GRIK4: variants seen among roughly 807,000 people sequenced by gnomAD.
GRIK4 encodes glutamate ionotropic receptor kainate type subunit 4.
Under a neutral mutation model 104.9 loss-of-function variants are expected in GRIK4, and 40 were observed. The ratio of observed to expected loss-of-function variants is 0.38; its 90% CI spans 0.30 to 0.50. The LOEUF (loss-of-function observed/expected upper bound fraction) is 0.50. Among genes scored for constraint, GRIK4 ranks in the 20% least tolerant of loss-of-function variants. GRIK4 has a pLI of 0.93. For missense variants in GRIK4, 1,047 were observed against 1,308.1 expected (o/e 0.80, Z 3.08); for synonymous variants, 485 against 524.9 (o/e 0.92, Z 1.04).
intron 1 of GRIK4, among the ~76,000 whole-genome samples, chr11:120,558,105 G>C (rs1948205377): frequency 6.7e-6 from 1 of 149,122 alleles, no homozygotes; most frequent in Admixed American, 6.7e-5. Flanking sequence ...TCTCTGTTTT[G>C]ACACTTACAA....
chr11:120,532,253 C>A (rs1295918757), intron 1 of GRIK4, among the ~76,000 whole-genome samples: 3 of 152,204 alleles, frequency 2.0e-5, no homozygotes, highest in Non-Finnish European at 4.4e-5. Context: ...ATCCATCCCC[C>A]AGCTCCATGC....
intron 3 of GRIK4, among the ~76,000 whole-genome samples, chr11:120,696,427 G>T (rs964213807): frequency 6.0e-5 from 9 of 150,764 alleles, no homozygotes; most frequent in Non-Finnish European, 1.2e-4. Flanking sequence ...CTTCCTAGGG[G>T]AGGTGAAGTC....
intron 1 of GRIK4, among the ~76,000 whole-genome samples, chr11:120,598,799 G>A (rs562537443): frequency 6.6e-6 from 1 of 152,340 alleles, no homozygotes; most frequent in East Asian, 1.9e-4. Flanking sequence ...GAGCTGGCTT[G>A]GACCCTGTCT....
At chr11:120,647,928 A>C (rs1406888237) in intron 1 of GRIK4, among the ~76,000 whole-genome samples, 1 of 152,172 alleles carries the variant, frequency 6.6e-6, no homozygotes, top group Admixed American at 6.5e-5. Context: ...GGTCCCAAGC[A>C]TGTGGGTATG....
At chr11:120,845,372 C>G (rs1168225683) in intron 8 of GRIK4, among the ~76,000 whole-genome samples, 2 of 152,134 alleles carry the variant, frequency 1.3e-5, no homozygotes, top group Non-Finnish European at 2.9e-5. Context: ...TTTGTGAAGA[C>G]GATGGGAAGT....
intron 3 of GRIK4, among the ~76,000 whole-genome samples, chr11:120,706,381 A>G (rs1950629096): frequency 6.6e-6 from 1 of 152,126 alleles, no homozygotes; most frequent in Admixed American, 6.5e-5. Context: ...CACCTCTTCC[A>G]TTCCGACTGC....
rs577947347 is a variant in GRIK4, at chr11:120,555,554, G to A, written c.-159+43667G>A. 1.6e-4 allele frequency among the ~76,000 whole-genome samples: 24 copies of A among 152,322 alleles called. No homozygotes were observed. The highest frequency in any genetic ancestry group is 3.9e-4 in the East Asian group (2 of 5,180). ...CTGCCACCAGATGCACACAGCGGTC[G>A]TCTTCTCCCTCACGGTCCGCCTGCC... On this transcript the variant is annotated intron_variant, in intron 1 of 20. Coordinates refer to ENST00000527524, the MANE Select transcript of GRIK4 (RefSeq NM_014619.5). This position sits in a 1 kb window ranked among gnomAD's most constrained non-coding sequence, Gnocchi z 5.3.
chr11:120,654,861 G>A (rs1439453175), intron 2 of GRIK4, among the ~76,000 whole-genome samples: 3 of 152,082 alleles, frequency 2.0e-5, no homozygotes, highest in African/African-American at 7.3e-5. Context: ...GTTCTTACCT[G>A]TGGCAGCCAG....
chr11:120,626,997 G>C (rs1565579686), intron 1 of GRIK4, among the ~76,000 whole-genome samples: 1 of 152,192 alleles, frequency 6.6e-6, no homozygotes, highest in Non-Finnish European at 1.5e-5. Flanking sequence ...GGCCCGAAGG[G>C]CTTCTCCACT....
intron 3 of GRIK4, among the ~76,000 whole-genome samples, chr11:120,721,967 T>C (rs888870809): frequency 6.6e-6 from 1 of 152,182 alleles, no homozygotes; most frequent in African/African-American, 2.4e-5. Context: ...TCACTTCTCA[T>C]GGTGTCTTTT....
chr11:120,801,568 G>A (rs948548267), intron 3 of GRIK4, among the ~76,000 whole-genome samples: 5 of 152,204 alleles, frequency 3.3e-5, no homozygotes, highest in African/African-American at 4.8e-5. Flanking sequence ...ATTGTAGCAT[G>A]TATCAGTACC....
intron 20 of GRIK4, among the ~76,000 whole-genome samples, chr11:120,983,439 T>A (rs1375222082): frequency 6.6e-6 from 1 of 152,200 alleles, no homozygotes; most frequent in African/African-American, 2.4e-5. Flanking sequence ...CCCCTCCCAG[T>A]GGACCAAACC....
Position 120,967,031 on chromosome 11 carries a change from G to A in GRIK4, c.2267-164G>A, listed in dbSNP as rs572208556. Among the ~76,000 whole-genome samples, 1 of 152,310 alleles carries A rather than the reference G, an allele frequency of 6.6e-6. No individual in the cohort carries two copies. Among genetic ancestry groups the A allele is most frequent in the South Asian group, 2.1e-4 (1 of 4,820 alleles). On this transcript the variant is annotated intron_variant, in intron 18 of 20. Coordinates refer to ENST00000527524, the MANE Select transcript of GRIK4 (RefSeq NM_014619.5). This position sits in a 1 kb window ranked among gnomAD's most constrained non-coding sequence, Gnocchi z 4.2. The stretch of plus-strand genomic sequence containing the variant: ...CTTCCGGGGGAGCCCCAGTGGAGTA[G>A]ACAGCACTGGCCCCATGGGCTCGCC...
At chr11:120,648,907 A>G (rs1949578827) in intron 1 of GRIK4, among the ~76,000 whole-genome samples, 1 of 152,196 alleles carries the variant, frequency 6.6e-6, no homozygotes, top group Non-Finnish European at 1.5e-5. Context: ...AAGCAAGTCT[A>G]CTTCCTTCTC....
At chr11:120,564,345 C>G (rs1948280632) in intron 1 of GRIK4, 1 of 152,044 alleles carries the variant, frequency 6.6e-6, no homozygotes, top group African/African-American at 2.4e-5. Context: ...AGTGTGCGCT[C>G]GCGGGGAGGG....
At chr11:120,607,641 C>T (rs1948978754) in intron 1 of GRIK4, among the ~76,000 whole-genome samples, 1 of 152,094 alleles carries the variant, frequency 6.6e-6, no homozygotes, top group African/African-American at 2.4e-5. Flanking sequence ...CATGGAAGCA[C>T]CCAGCAGGAA....
intron 3 of GRIK4, among the ~76,000 whole-genome samples, chr11:120,749,155 T>G (rs1182651678): frequency 1.3e-5 from 2 of 151,722 alleles, no homozygotes; most frequent in East Asian, 1.9e-4. Context: ...CTATAGTACT[T>G]TTTTTTTGCC....
rs981908411 is a variant in GRIK4 at position 120,745,704 on chromosome 11, A to G, written c.83-56989A>G. 3.9e-5 allele frequency among the ~76,000 whole-genome samples: 6 copies of G among 152,236 alleles called. No individual in the cohort carries two copies. The East Asian group carries it at 9.6e-4, about 24-fold the overall frequency. ...CCTCTAGGTCGAATGGATTCTCATT[A>G]TGTCAGACTACTGCACAAAACCCTG... On this transcript the variant is annotated intron_variant, in intron 3 of 20. Coordinates refer to ENST00000527524, the MANE Select transcript of GRIK4 (RefSeq NM_014619.5).
chr11:120,589,018 G>T (rs1948703920), intron 1 of GRIK4, among the ~76,000 whole-genome samples: 1 of 152,180 alleles, frequency 6.6e-6, no homozygotes, highest in African/African-American at 2.4e-5. Context: ...TGAGCAGATG[G>T]TGCAGAGAGG....
Sources: allele counts gnomAD v4.1 joint callset (sites outside exome capture counted in the v4.1 genomes callset), GRCh38; gene constraint gnomAD v4.1.1; non-coding constraint Gnocchi (gnomAD v3.1); transcripts MANE v1.5; gene names NCBI Gene and HGNC (gene_info 2026-07-23, HGNC 2026-07-21).